Variants in CUL2 observed in about 807,000 individuals in gnomAD.
CUL2 encodes cullin-2.
Under a neutral mutation model 110.2 loss-of-function variants are expected in CUL2, and 22 were observed. The ratio of observed to expected loss-of-function variants is 0.20; its 90% CI spans 0.14 to 0.28. The LOEUF (loss-of-function observed/expected upper bound fraction) is 0.28. Ranked by LOEUF, CUL2 falls within the 10% of genes least tolerant of loss-of-function variation. The pLI is 1.00. For missense variants in CUL2, 631 were observed against 905.5 expected, an observed-to-expected ratio of 0.70 and a Z score of 3.89; for synonymous variants, 279 against 293.2, an observed-to-expected ratio of 0.95 and a Z score of 0.49.
intron 1 of CUL2, among the ~76,000 whole-genome samples, chr10:35,104,781 G>T (rs2087432061): frequency 6.6e-6 from 1 of 152,022 alleles, no homozygotes; most frequent in Non-Finnish European, 1.5e-5. Flanking sequence ...CCAGGCTGCA[G>T]TGCAATGTCA....
intron 2 of CUL2, chr10:35,063,882 GAC>G (rs1421181904): frequency 6.6e-6 from 1 of 151,796 alleles, no homozygotes; most frequent in Non-Finnish European, 1.5e-5. Flanking sequence ...TTTGGGGCCA[GAC>G]ACGGTATTAG....
chr10:35,061,101 C>A, intron 3 of CUL2, 133 bp from the exon 4 acceptor site: 3 of 933,836 alleles, frequency 3.2e-6, no homozygotes, highest in South Asian at 1.8e-5. Context: ...TTACACAACA[C>A]ATATTAACTA....
At chr10:35,070,704 C>A (rs1376055067) in intron 2 of CUL2, among the ~76,000 whole-genome samples, 2 of 152,170 alleles carry the variant, frequency 1.3e-5, no homozygotes, top group Non-Finnish European at 2.9e-5. Flanking sequence ...CTCTTCCCCC[C>A]AAAATCACAT....
At chr10:35,104,455 A>C (rs1453862255) in intron 1 of CUL2, among the ~76,000 whole-genome samples, 2 of 152,104 alleles carry the variant, frequency 1.3e-5, no homozygotes, top group African/African-American at 4.8e-5. Flanking sequence ...CTTCCCATTA[A>C]GGTTAACCCC....
At chr10:35,102,779 A>T (rs2087400740) in intron 1 of CUL2, among the ~76,000 whole-genome samples, 1 of 151,344 alleles carries the variant, frequency 6.6e-6, no homozygotes, top group Non-Finnish European at 1.5e-5. Flanking sequence ...GCTACTCGGG[A>T]GGCTGAGGCA....
intron 6 of CUL2, among the ~76,000 whole-genome samples, chr10:35,049,259 A>T (rs938370594): frequency 6.6e-6 from 1 of 152,200 alleles, no homozygotes; most frequent in African/African-American, 2.4e-5. Context: ...CAAGTTATTG[A>T]TTATAACACT....
At chr10:35,093,886 T>A (rs1373605921), upstream of CUL2, among the ~76,000 whole-genome samples, 1 of 152,088 alleles carries the variant, frequency 6.6e-6, no homozygotes, top group Non-Finnish European at 1.5e-5. Flanking sequence ...CCTTTTCCTC[T>A]GATCAAATTT....
At chr10:35,103,976 CAT>C (rs1016337040) in intron 1 of CUL2, among the ~76,000 whole-genome samples, 54 of 152,168 alleles carry the variant, frequency 3.5e-4, no homozygotes, top group African/African-American at 1.3e-3. Flanking sequence ...TAGTGCCTGG[CAT>C]AGGGCCTTGG....
In CUL2 at chr10:35,072,559, G is replaced by A. The variant is rs900503695; in HGVS notation, c.-22-1220C>T. On this transcript the variant is annotated intron_variant, in intron 1 of 20. Coordinates refer to ENST00000374749, the MANE Select transcript of CUL2 (RefSeq NM_003591.4). ...CATTTTTTGTATTTTTAGTAGAGAC[G>A]GGGTTTCACCATGTTAGCCAGGATG... Among the ~76,000 whole-genome samples the A allele has an allele frequency of 3.3e-5, 5 of 152,148 alleles. No homozygotes were observed. In the East Asian group the frequency reaches 7.7e-4, roughly 24 times the overall value.
chr10:35,083,072 G>A (rs1288726933), intron 1 of CUL2, among the ~76,000 whole-genome samples: 6 of 150,340 alleles, frequency 4.0e-5, no homozygotes, highest in African/African-American at 1.2e-4. Context: ...CAGGAGAATC[G>A]CTTGAACCCA....
At chr10:35,015,399 C>G (rs1409764845) in intron 18 of CUL2, among the ~76,000 whole-genome samples, 1 of 151,810 alleles carries the variant, frequency 6.6e-6, no homozygotes, top group Non-Finnish European at 1.5e-5. Context: ...ATGCCTTTTA[C>G]AGTTGTTCAG....
chr10:35,044,367 C>T (rs1423550757), intron 8 of CUL2, among the ~76,000 whole-genome samples, 199 bp downstream of exon 8: 4 of 151,876 alleles, frequency 2.6e-5, no homozygotes, highest in Non-Finnish European at 2.9e-5. Flanking sequence ...ATGATGAAAA[C>T]TGGAAGGGTA....
intron 5 of CUL2, 30 bp downstream of exon 5, chr10:35,054,404 T>C: frequency 1.7e-6 from 2 of 1,192,752 alleles, no homozygotes; most frequent in Non-Finnish European, 1.2e-6. Flanking sequence ...AACATACTTA[T>C]GTTTGCTAGT....
chr10:35,114,672 C>T (rs1028177768), intron 1 of CUL2, among the ~76,000 whole-genome samples: 7 of 152,174 alleles, frequency 4.6e-5, no homozygotes, highest in East Asian at 1.9e-4. Flanking sequence ...TGAGCCACCG[C>T]GCCTGGCCCG....
chr10:35,074,296 A>T, intron 1 of CUL2: 1 of 1,037,298 alleles, frequency 9.6e-7, no homozygotes, highest in Non-Finnish European at 1.4e-6. Context: ...CATGGCACCC[A>T]AGCTTCCTCT....
At chr10:35,083,489 C>CA (rs1281517279) in intron 1 of CUL2, among the ~76,000 whole-genome samples, 2 of 151,994 alleles carry the variant, frequency 1.3e-5, no homozygotes, top group African/African-American at 4.8e-5. Context: ...TATCATTCTC[C>CA]AAAAAAAGGA....
At chr10:35,054,797 C>T (rs1269400029) in intron 4 of CUL2, among the ~76,000 whole-genome samples, 1 of 152,160 alleles carries the variant, frequency 6.6e-6, no homozygotes, top group South Asian at 2.1e-4. Flanking sequence ...TCTATAATCT[C>T]GTTTGCTACT....
At chr10:35,115,815 C>T (rs762699037) in intron 1 of CUL2, among the ~76,000 whole-genome samples, 6 of 152,080 alleles carry the variant, frequency 3.9e-5, no homozygotes, top group Non-Finnish European at 8.8e-5. Context: ...ATGGGTTGAA[C>T]CTGGGAGGCT....
intron 1 of CUL2, among the ~76,000 whole-genome samples, chr10:35,103,239 C>T (rs2087406940): frequency 6.6e-6 from 1 of 150,790 alleles, no homozygotes. Context: ...AACTCCTGGG[C>T]TCAAGGGATC....
Sources: gnomAD v4.1 joint callset for allele counts (sites outside exome capture counted in the v4.1 genomes callset) on GRCh38, gnomAD v4.1.1 for gene constraint, MANE v1.5 for transcripts, NCBI Gene and HGNC (gene_info 2026-07-23, HGNC 2026-07-21) for gene names.